The following ADAM20 variants were observed in gnomAD, a reference collection of about 807,000 sequenced individuals.
The protein encoded by ADAM20 is disintegrin and metalloproteinase domain-containing protein 20.
For missense variants in ADAM20, 871 were observed against 883.2 expected (o/e 0.99, Z 0.18); for synonymous variants, 305 against 310.2 (o/e 0.98, Z 0.18).
chr14:70,558,286 C>T, the ADAM20 span, among the ~76,000 whole-genome samples: 3 of 152,246 alleles, frequency 2.0e-5, no homozygotes, highest in Middle Eastern at 3.4e-3. Context: ...CCAGGATCTC[C>T]AGTGAAGTAG....
chr14:70,574,598 C>T, the ADAM20 span, among the ~76,000 whole-genome samples: 2 of 151,766 alleles, frequency 1.3e-5, no homozygotes, highest in African/African-American at 4.8e-5. Context: ...CGAGATCGCA[C>T]CACTGCACTC....
the ADAM20 span, among the ~76,000 whole-genome samples, chr14:70,575,605 T>C: frequency 1.3e-5 from 2 of 152,136 alleles, no homozygotes; most frequent in Non-Finnish European, 2.9e-5. Flanking sequence ...AAACAAGACA[T>C]ATAAAGTTGT....
intron 1 of ADAM20, among the ~76,000 whole-genome samples, chr14:70,534,246 C>T: frequency 6.6e-6 from 1 of 151,970 alleles, no homozygotes; most frequent in East Asian, 1.9e-4. Flanking sequence ...AATGTGACTT[C>T]CAATGCTGGA....
intron 1 of ADAM20, among the ~76,000 whole-genome samples, chr14:70,529,459 T>C (rs1159716959): frequency 1.3e-5 from 2 of 152,176 alleles, no homozygotes; most frequent in Non-Finnish European, 2.9e-5. Context: ...GGTGATTTCG[T>C]CATTGTGCAA....
At chr14:70,562,913 A>G in the ADAM20 span, among the ~76,000 whole-genome samples, 1 of 152,172 alleles carries the variant, frequency 6.6e-6, no homozygotes, top group Non-Finnish European at 1.5e-5. Flanking sequence ...ATGGAGAAAT[A>G]TATGTTTCTG....
upstream of ADAM20, among the ~76,000 whole-genome samples, chr14:70,538,330 C>A (rs1883878054): frequency 6.6e-6 from 1 of 152,158 alleles, no homozygotes; most frequent in Non-Finnish European, 1.5e-5. Context: ...GGGATCTTTC[C>A]CGGAAAATCC....
the ADAM20 span, among the ~76,000 whole-genome samples, chr14:70,564,256 T>C: frequency 1.3e-5 from 2 of 152,172 alleles, no homozygotes; most frequent in African/African-American, 4.8e-5. Context: ...CAGGAGTGAG[T>C]GGGAAAAACA....
the ADAM20 span, among the ~76,000 whole-genome samples, chr14:70,569,296 G>A: frequency 6.6e-6 from 1 of 152,128 alleles, no homozygotes; most frequent in East Asian, 1.9e-4. Context: ...GGAAACGAAA[G>A]AATGATACTG....
chr14:70,561,334 T>C, the ADAM20 span, among the ~76,000 whole-genome samples: 34 of 152,196 alleles, frequency 2.2e-4, no homozygotes, highest in African/African-American at 8.2e-4. Flanking sequence ...TTTCTAAAAG[T>C]GTATGCACAT....
the ADAM20 span, among the ~76,000 whole-genome samples, chr14:70,567,650 G>A: frequency 1.3e-5 from 2 of 151,992 alleles, no homozygotes; most frequent in Non-Finnish European, 2.9e-5. Context: ...CTCGAATGGC[G>A]GGGCCTAACT....
chr14:70,530,448 AAAAGT>A (rs1360234677), intron 1 of ADAM20, among the ~76,000 whole-genome samples: 1 of 152,204 alleles, frequency 6.6e-6, no homozygotes, highest in Non-Finnish European at 1.5e-5. Context: ...TATAATGATA[AAAAGT>A]ATAGTATAGG....
chr14:70,569,885 CAAAAAAAAA>C, the ADAM20 span, among the ~76,000 whole-genome samples: 758 of 76,198 alleles, frequency 9.9e-3, 3 homozygotes, highest in African/African-American at 0.03. Flanking sequence ...AGAAAACTAA[CAAAAAAAAA>C]AAAAAAAAAA....
the ADAM20 span, among the ~76,000 whole-genome samples, chr14:70,569,881 C>T: frequency 6.4e-5 from 1 of 15,618 alleles, no homozygotes; most frequent in Admixed American, 9.3e-4. Flanking sequence ...AGGCAGAAAA[C>T]TAACAAAAAA....
the ADAM20 span, among the ~76,000 whole-genome samples, chr14:70,567,390 C>T: frequency 6.6e-6 from 1 of 152,136 alleles, no homozygotes; most frequent in African/African-American, 2.4e-5. Flanking sequence ...GGGAGTGCAG[C>T]CTACCAAAGT....
chr14:70,566,904 C>T, the ADAM20 span, among the ~76,000 whole-genome samples: 1 of 152,118 alleles, frequency 6.6e-6, no homozygotes, highest in African/African-American at 2.4e-5. Context: ...ATTGCTCGAA[C>T]CCAGGAGGCG....
Position 70,524,809 on chromosome 14 carries a change from G to A in ADAM20, c.-52C>T. ...TGTCTAGAGCAGAAGAGAACAAGGT[G>A]TGAGGCACTGCTGGTCTGGCTCCTC... On this transcript the variant is annotated 5_prime_UTR_variant, in exon 2 of 2. Transcript: ENST00000256389. The A allele has an allele frequency of 6.2e-7, 1 of 1,613,422 alleles. No homozygotes were observed. The highest frequency in any genetic ancestry group is 8.5e-7 in the Non-Finnish European group (1 of 1,179,926).
intron 1 of ADAM20, among the ~76,000 whole-genome samples, chr14:70,526,940 A>T (rs1237708532): frequency 6.6e-6 from 1 of 152,192 alleles, no homozygotes; most frequent in East Asian, 1.9e-4. Flanking sequence ...AGTGGGCCAC[A>T]ACCAAAGGAA....
chr14:70,574,640 A>C, the ADAM20 span, among the ~76,000 whole-genome samples: 1 of 141,556 alleles, frequency 7.1e-6, no homozygotes, highest in Non-Finnish European at 1.5e-5. Flanking sequence ...ACTCCGTCTC[A>C]AAAAAAAAAA....
At chr14:70,577,785 A>T in the ADAM20 span, among the ~76,000 whole-genome samples, 1 of 152,206 alleles carries the variant, frequency 6.6e-6, no homozygotes, top group African/African-American at 2.4e-5. Context: ...AATGGAAAAA[A>T]TAGTCTTTTC....
Sources: gnomAD v4.1 joint callset for allele counts (sites outside exome capture counted in the v4.1 genomes callset) on GRCh38, gnomAD v4.1.1 for gene constraint, MANE v1.5 for transcripts, NCBI Gene and HGNC (gene_info 2026-07-23, HGNC 2026-07-21) for gene names.